Variants in G2E3 observed in about 807,000 individuals in gnomAD.
G2E3 encodes the protein G2/M-phase specific E3 ubiquitin protein ligase, also known as G2/M phase-specific E3 ubiquitin-protein ligase.
A neutral mutation model predicts 92.8 loss-of-function variants in G2E3; 35 were observed. The observed-to-expected ratio is 0.38, with a 90% confidence interval of 0.29 to 0.50. The LOEUF is 0.50. Among genes scored for constraint, G2E3 ranks in the 20% least tolerant of loss-of-function variants. The pLI is 0.94. For missense variants in G2E3, 554 were observed against 823.8 expected (o/e 0.67, Z 4.01); for synonymous variants, 242 against 272.4 (o/e 0.89, Z 1.10).
In G2E3 at chr14:30,586,834, T is replaced by G. The variant is rs752822477; in HGVS notation, c.135+19T>G. 4.8e-6 allele frequency: 4 copies of G among 834,172 alleles called. No individual in the cohort carries two copies. Among genetic ancestry groups the G allele is most frequent in the Non-Finnish European group, 7.2e-6 (4 of 552,062 alleles). 51.7% of individuals were successfully genotyped at this position (834,172 alleles called of 1,614,324 possible). ...CTGTTTGGTGAGTATAATTTATAATTAAATTCTAGAAATTTGGTGTTCTAA... is the reference window on the plus strand; with the variant it reads ...CTGTTTGGTGAGTATAATTTATAATGAAATTCTAGAAATTTGGTGTTCTAA... On this transcript the variant is annotated intron_variant, in intron 3 of 14. Transcript: ENST00000206595.
chr14:30,609,245 A>T (rs1193506573), intron 12 of G2E3, among the ~76,000 whole-genome samples: 1 of 152,182 alleles, frequency 6.6e-6, no homozygotes, highest in East Asian at 1.9e-4. Context: ...ACTAAAAAAA[A>T]AGTATATTTA....
chr14:30,589,569 AT>A, intron 4 of G2E3, 85 bp downstream of exon 4: 1 of 712,618 alleles, frequency 1.4e-6, no homozygotes, highest in African/African-American at 1.8e-5. Context: ...TGTACTAGAA[AT>A]TTATGACTTT....
At chr14:30,598,430 T>C in intron 7 of G2E3, 53 bp from the exon 8 acceptor site, 1 of 1,133,626 alleles carries the variant, frequency 8.8e-7, no homozygotes, top group Non-Finnish European at 1.3e-6. Context: ...TTCCTGATCC[T>C]CTTATGTAAC....
chr14:30,616,289 A>G lies in G2E3; in HGVS notation c.1876A>G (p.Thr626Ala), dbSNP rs762276811. 2.5e-6 allele frequency: 4 copies of G among 1,605,604 alleles called. No homozygotes were observed. In the African/African-American group the frequency reaches 4.0e-5, roughly 16 times the overall value. Residue 626 changes from threonine (T) to alanine (A), a missense_variant, in exon 15 of 15, where the codon ACA becomes GCA. By Grantham distance (58) the Thr-to-Ala change is moderately conservative. This residue lies in a region of G2E3 where 397 missense variants were observed against 560.3 expected (regional missense o/e 0.71). Coordinates refer to ENST00000206595, the MANE Select transcript of G2E3 (RefSeq NM_017769.5). ...YLQAVEDGKS[T>A]TTMEDILIFA... is the part of the protein sequence containing the mutation. Reference sequence around the variant, plus strand: ...GTAAATTTTTTCAGATGGTAAATCTACAACAACAATGGAAGACATTCTTAT... The same window carrying G: ...GTAAATTTTTTCAGATGGTAAATCTGCAACAACAATGGAAGACATTCTTAT...
chr14:30,600,209 C>T (rs1044707660), intron 8 of G2E3, among the ~76,000 whole-genome samples: 3 of 152,298 alleles, frequency 2.0e-5, no homozygotes, highest in African/African-American at 7.2e-5. Flanking sequence ...GAGTCAGCTA[C>T]TACTTAATTG....
In G2E3 at chr14:30,586,719, T is replaced by G; in HGVS notation, c.39T>G (p.Ala13=). The G allele has an allele frequency of 1.7e-6, 2 of 1,205,264 alleles. No individual in the cohort carries two copies. The highest frequency in any genetic ancestry group is 2.3e-6 in the Non-Finnish European group (2 of 854,906). The allele number at this position is 1,205,264 out of a possible 1,614,324, so 74.7% of individuals were successfully genotyped here. Residue 13 remains alanine, a splice_region_variant and synonymous_variant, in exon 3 of 15, where the codon GCT becomes GCG. Coordinates refer to ENST00000206595, the MANE Select transcript of G2E3 (RefSeq NM_017769.5). The stretch of plus-strand genomic sequence containing the variant: ...ATCTATTTACTTTTTCACTGTTAGC[T>G]TGTGTTTTCTGTCGAAAACATGATG... ...ESKPGDSQNL[A]CVFCRKHDDC...
intron 12 of G2E3, among the ~76,000 whole-genome samples, chr14:30,608,326 T>C (rs1334514523): frequency 6.6e-6 from 1 of 152,226 alleles, no homozygotes; most frequent in Non-Finnish European, 1.5e-5. Context: ...TCACCATGGC[T>C]TGTGAATACT....
At chr14:30,582,559 A>G (rs1880491366) in intron 2 of G2E3, among the ~76,000 whole-genome samples, 2 of 151,902 alleles carry the variant, frequency 1.3e-5, no homozygotes, top group Non-Finnish European at 2.9e-5. Flanking sequence ...GTTCACAAGG[A>G]CTCCTCTTTT....
intron 6 of G2E3, among the ~76,000 whole-genome samples, chr14:30,596,011 G>A (rs1389922224): frequency 2.0e-5 from 3 of 148,982 alleles, no homozygotes; most frequent in East Asian, 2.0e-4. Context: ...TCCTTTTATC[G>A]TATACCATAT....
In G2E3 at chr14:30,607,341, AC is replaced by A. The variant is rs567975861; in HGVS notation, c.1319-546del. On this transcript the variant is annotated intron_variant, in intron 11 of 14. Transcript: ENST00000206595. ...CATGCAAAGATCATAAAGTATACTT[AC>A]GCAAACCTAGTTGGTGTAGCCTACT... 8.5e-4 allele frequency among the ~76,000 whole-genome samples: 130 copies of A among 152,306 alleles called. 1 individual carries two copies. The highest frequency in any genetic ancestry group is 3.0e-3 in the African/African-American group (125 of 41,578).
chr14:30,560,767 C>G (rs1386657455), intron 1 of G2E3: 1 of 701,898 alleles, frequency 1.4e-6, no homozygotes, highest in Non-Finnish European at 2.6e-6. Flanking sequence ...ATGCTGATTC[C>G]TGCACTTCAG....
Position 30,618,964 on chromosome 14 carries a change from C to T in G2E3, c.*2430C>T, listed in dbSNP as rs531677455. 2.0e-5 allele frequency: 3 copies of T among 151,940 alleles called. No homozygotes were observed. The highest frequency in any genetic ancestry group is 7.2e-5 in the African/African-American group (3 of 41,504). The allele number at this position is 151,940 out of a possible 1,614,324, so 9.4% of individuals were successfully genotyped here. A position where few individuals can be genotyped will look rare whatever the true frequency, so the allele number is the denominator to read the frequency against. ...ATGTTGTATATTTTAAGGCTGTTTT[C>T]TCTTGCTCTTAATGTTGAGGAAAAC... On this transcript the variant is annotated 3_prime_UTR_variant, in exon 15 of 15. Coordinates refer to ENST00000206595, the MANE Select transcript of G2E3 (RefSeq NM_017769.5).
At chr14:30,577,104 A>G (rs183728519) in intron 1 of G2E3, among the ~76,000 whole-genome samples, 2 of 151,778 alleles carry the variant, frequency 1.3e-5, no homozygotes, top group African/African-American at 4.8e-5. Context: ...GTATGCCTGT[A>G]GTCCCAGCTA....
At chr14:30,565,272 T>C (rs1879359997) in intron 1 of G2E3, among the ~76,000 whole-genome samples, 3 of 152,236 alleles carry the variant, frequency 2.0e-5, no homozygotes, top group Admixed American at 2.0e-4. Context: ...ATATTTTCTT[T>C]GGAGAAATGT....
chr14:30,594,789 T>G (rs1881193585), intron 6 of G2E3, among the ~76,000 whole-genome samples: 1 of 151,914 alleles, frequency 6.6e-6, no homozygotes, highest in South Asian at 2.1e-4. Flanking sequence ...TTTTTTTTTT[T>G]TTGTATGGAC....
intron 13 of G2E3, among the ~76,000 whole-genome samples, chr14:30,612,786 G>A (rs1375912829): frequency 6.6e-6 from 1 of 152,168 alleles, no homozygotes; most frequent in Non-Finnish European, 1.5e-5. Flanking sequence ...GAACCCAAGA[G>A]GCGGAGGTTG....
intron 10 of G2E3, among the ~76,000 whole-genome samples, chr14:30,605,115 C>T (rs544385201): frequency 3.5e-4 from 54 of 152,144 alleles, no homozygotes; most frequent in Non-Finnish European, 5.6e-4. Flanking sequence ...ACACTGGTCT[C>T]GAACTCATGA....
chr14:30,587,283 A>G (rs950993860), intron 3 of G2E3, among the ~76,000 whole-genome samples: 3 of 152,270 alleles, frequency 2.0e-5, no homozygotes, highest in African/African-American at 7.2e-5. Flanking sequence ...TACTTTATGT[A>G]TCACTCAGAA....
intron 2 of G2E3, among the ~76,000 whole-genome samples, chr14:30,586,002 C>G (rs930059415): frequency 1.3e-5 from 2 of 152,130 alleles, no homozygotes; most frequent in Non-Finnish European, 2.9e-5. Flanking sequence ...CTTTCCTATG[C>G]CTTTCAGTCT....
Sources: allele counts gnomAD v4.1 joint callset (sites outside exome capture counted in the v4.1 genomes callset), GRCh38; gene constraint gnomAD v4.1.1; regional missense constraint gnomAD v4.1.1; transcripts MANE v1.5; gene names NCBI Gene and HGNC (gene_info 2026-07-23, HGNC 2026-07-21).